CADPS2: variants seen among roughly 807,000 people sequenced by gnomAD.
CADPS2 encodes the protein calcium-dependent secretion activator 2.
Under a neutral mutation model 172.5 loss-of-function variants are expected in CADPS2, and 93 were observed. The observed-to-expected ratio is 0.54, with a 90% CI of 0.46 to 0.64. The LOEUF (loss-of-function observed/expected upper bound fraction) is 0.64, where lower values mean the gene tolerates loss of function less well. CADPS2 is among the 30% of genes least tolerant of loss of function. The probability of loss-of-function intolerance (pLI) is 0.00; values close to 1 mark genes in which losing one functional copy is unlikely to be tolerated. For synonymous variants in CADPS2, 546 were observed against 555.2 expected (o/e 0.98, Z 0.23); for missense variants, 1,420 against 1,565.9 (o/e 0.91, Z 1.57).
chr7:122,381,676 A>G (rs977272592), intron 24 of CADPS2, among the ~76,000 whole-genome samples: 49 of 152,118 alleles, frequency 3.2e-4, no homozygotes, highest in Admixed American at 3.0e-3. Flanking sequence ...AAATTCTCCT[A>G]TAATACACTC....
At chr7:122,732,175 G>A (rs2091710057) in intron 2 of CADPS2, among the ~76,000 whole-genome samples, 1 of 151,522 alleles carries the variant, frequency 6.6e-6, no homozygotes, top group East Asian at 1.9e-4. Context: ...TAATCTAGCT[G>A]AAAGAAATTA....
At chr7:122,713,203 T>C (rs2089038549) in intron 2 of CADPS2, among the ~76,000 whole-genome samples, 1 of 152,142 alleles carries the variant, frequency 6.6e-6, no homozygotes, top group Non-Finnish European at 1.5e-5. Flanking sequence ...CTTTGTTTTA[T>C]ATAATTTTCA....
intron 3 of CADPS2, among the ~76,000 whole-genome samples, chr7:122,638,044 G>A (rs540756442): frequency 1.8e-4 from 27 of 152,238 alleles, no homozygotes; most frequent in African/African-American, 6.3e-4. Context: ...TTTGGCATAC[G>A]CACAGTAGTA....
At chr7:122,827,391 TCA>T (rs1351185026) in intron 1 of CADPS2, among the ~76,000 whole-genome samples, 1 of 67,136 alleles carries the variant, frequency 1.5e-5, no homozygotes, top group African/African-American at 6.7e-5. Context: ...GTGTGGTGGC[TCA>T]CACATGTAAT....
intron 6 of CADPS2, among the ~76,000 whole-genome samples, chr7:122,590,434 T>C (rs993747286): frequency 5.3e-5 from 8 of 151,936 alleles, no homozygotes; most frequent in African/African-American, 1.7e-4. Flanking sequence ...CTTCTTCAAG[T>C]GTCAGAACAT....
chr7:122,367,096 T>G (rs1312869840), intron 25 of CADPS2, among the ~76,000 whole-genome samples: 1 of 152,206 alleles, frequency 6.6e-6, no homozygotes, highest in Non-Finnish European at 1.5e-5. Context: ...TACTTGGATT[T>G]TAACAGATGC....
chr7:122,840,631 G>A (rs1810194707), intron 1 of CADPS2, among the ~76,000 whole-genome samples: 1 of 151,626 alleles, frequency 6.6e-6, no homozygotes, highest in African/African-American at 2.4e-5. Flanking sequence ...ATGTAGCCAG[G>A]AGAGGCAGGC....
intron 14 of CADPS2, among the ~76,000 whole-genome samples, chr7:122,455,375 T>C (rs2053632031): frequency 6.6e-6 from 1 of 151,906 alleles, no homozygotes; most frequent in Non-Finnish European, 1.5e-5. Flanking sequence ...CCCATTCCCA[T>C]AGACCTTTCT....
chr7:122,455,241 T>C (rs181784944), intron 14 of CADPS2, among the ~76,000 whole-genome samples: 1 of 152,124 alleles, frequency 6.6e-6, no homozygotes, highest in Non-Finnish European at 1.5e-5. Flanking sequence ...TTTCTCTACA[T>C]GTACACAAAA....
intron 25 of CADPS2, chr7:122,379,139 G>A: frequency 2.7e-6 from 1 of 364,526 alleles, no homozygotes; most frequent in Non-Finnish European, 5.0e-6. Context: ...GTTTTAAAAT[G>A]ACAACAATTG....
chr7:122,581,028 G>T, intron 7 of CADPS2, 151 bp downstream of exon 7: 1 of 570,304 alleles, frequency 1.8e-6, no homozygotes, highest in Non-Finnish European at 3.2e-6. Context: ...TAATAAATTA[G>T]AGGTGTATAC....
intron 25 of CADPS2, 37 bp downstream of exon 25, chr7:122,379,331 C>A: frequency 7.6e-7 from 1 of 1,322,136 alleles, no homozygotes; most frequent in Admixed American, 2.2e-5. Context: ...GACAATTTTT[C>A]ACTTTGATTT....
At chr7:122,493,885 T>G (rs1196200953) in intron 9 of CADPS2, among the ~76,000 whole-genome samples, 1 of 152,178 alleles carries the variant, frequency 6.6e-6, no homozygotes, top group Non-Finnish European at 1.5e-5. Flanking sequence ...TTGCTGTTTT[T>G]CTAATATATC....
At chr7:122,668,537 T>G (rs1003837430) in intron 2 of CADPS2, among the ~76,000 whole-genome samples, 2 of 151,536 alleles carry the variant, frequency 1.3e-5, no homozygotes, top group Admixed American at 6.6e-5. Context: ...TAGTAAAAAA[T>G]ATGGATTTAC....
intron 24 of CADPS2, among the ~76,000 whole-genome samples, chr7:122,382,563 A>G (rs1353511442): frequency 1.3e-5 from 2 of 152,184 alleles, no homozygotes; most frequent in Non-Finnish European, 2.9e-5. Context: ...ATCTGCATAG[A>G]CATTTTTAAG....
At chr7:122,803,754 T>G (rs1214153848) in intron 1 of CADPS2, among the ~76,000 whole-genome samples, 1 of 152,160 alleles carries the variant, frequency 6.6e-6, no homozygotes, top group Admixed American at 6.5e-5. Flanking sequence ...ACTTTGCAAC[T>G]AAGCATGATA....
intron 2 of CADPS2, among the ~76,000 whole-genome samples, chr7:122,671,915 A>G (rs1171487040): frequency 1.3e-5 from 2 of 152,202 alleles, no homozygotes; most frequent in Non-Finnish European, 2.9e-5. Context: ...ATGAACCAGT[A>G]AGGTTTACTG....
At chr7:122,759,967 G>C (rs981921147) in intron 1 of CADPS2, among the ~76,000 whole-genome samples, 1 of 150,542 alleles carries the variant, frequency 6.6e-6, no homozygotes, top group African/African-American at 2.4e-5. Flanking sequence ...ATTTATGTGG[G>C]TGTATATAGG....
intron 2 of CADPS2, among the ~76,000 whole-genome samples, chr7:122,715,916 A>G (rs1022463054): frequency 4.6e-5 from 7 of 152,102 alleles, no homozygotes; most frequent in African/African-American, 1.7e-4. Context: ...TCAATATGAA[A>G]ACTCTAAAGG....
Sources: gnomAD v4.1 joint callset for allele counts (sites outside exome capture counted in the v4.1 genomes callset) on GRCh38, gnomAD v4.1.1 for gene constraint, MANE v1.5 for transcripts, NCBI Gene and HGNC (gene_info 2026-07-23, HGNC 2026-07-21) for gene names.